The following TNKS variants were observed in gnomAD, a reference collection of about 807,000 sequenced individuals.
TNKS encodes poly [ADP-ribose] polymerase tankyrase-1.
A neutral mutation model predicts 135.8 loss-of-function variants in TNKS; 72 were observed. The observed-to-expected ratio is 0.53, with a 90% CI of 0.44 to 0.64. TNKS has a LOEUF of 0.64. Among genes scored for constraint, TNKS ranks in the 30% least tolerant of loss-of-function variants. The probability of loss-of-function intolerance (pLI) is 0.00; values close to 1 mark genes in which losing one functional copy is unlikely to be tolerated. For missense variants in TNKS, 1,769 were observed against 1,674.0 expected (o/e 1.06, Z -0.99); for synonymous variants, 849 against 649.3 (o/e 1.31, Z -4.68).
At chr8:9,598,034 G>C (rs1229497443) in intron 2 of TNKS, among the ~76,000 whole-genome samples, 2 of 152,062 alleles carry the variant, frequency 1.3e-5, no homozygotes, top group African/African-American at 2.4e-5. Context: ...ATGTCCTTTA[G>C]ATTGAAAGTA....
chr8:9,768,845 G>T (rs913681280), intron 25 of TNKS, among the ~76,000 whole-genome samples: 1 of 152,186 alleles, frequency 6.6e-6, no homozygotes, highest in South Asian at 2.1e-4. Flanking sequence ...GCATCCCAGA[G>T]GATCATCAAT....
At chr8:9,618,622 T>C (rs1008644062) in intron 3 of TNKS, among the ~76,000 whole-genome samples, 1 of 152,216 alleles carries the variant, frequency 6.6e-6, no homozygotes, top group Non-Finnish European at 1.5e-5. Flanking sequence ...AAACAGCCTA[T>C]GTAAATGTTA....
At chr8:9,562,309 G>C in intron 1 of TNKS, among the ~76,000 whole-genome samples, 1 of 152,064 alleles carries the variant, frequency 6.6e-6, no homozygotes, top group East Asian at 1.9e-4. Context: ...TTCTTAATGA[G>C]AGTCATTTGA....
At position 9,607,676 on chromosome 8, in the gene TNKS, A is replaced by G. The variant is rs10104247; in HGVS notation, c.899-7906A>G. Among the ~76,000 whole-genome samples, 6 of 152,076 alleles carry G rather than the reference A, an allele frequency of 3.9e-5. 1 individual carries two copies. Among genetic ancestry groups the G allele is most frequent in the Non-Finnish European group, 8.8e-5 (6 of 68,014 alleles). ...CTAACTTGTTAACATGTTGTATTAT[A>G]CTATATAAAATAATTACATTTGTTA... On this transcript the variant is annotated intron_variant, in intron 2 of 26. Coordinates refer to ENST00000310430, the MANE Select transcript of TNKS (RefSeq NM_003747.3).
At chr8:9,762,718 T>C (rs1462198983) in intron 21 of TNKS, among the ~76,000 whole-genome samples, 3 of 151,884 alleles carry the variant, frequency 2.0e-5, no homozygotes, top group African/African-American at 4.8e-5. Flanking sequence ...CTGGCTAACA[T>C]GATGAAACCC....
chr8:9,660,587 C>G (rs1481759410), intron 3 of TNKS, among the ~76,000 whole-genome samples: 3 of 152,150 alleles, frequency 2.0e-5, no homozygotes, highest in Non-Finnish European at 2.9e-5. Flanking sequence ...GGACGTATCT[C>G]AAAATAATAA....
Position 9,778,349 on chromosome 8 carries a change from A to C in TNKS, c.*1613A>C, listed in dbSNP as rs1408954809. ...CAAAGCCCTGAAAACGATGGGTTTA[A>C]TGCAAGGTGATTAAGCTGTGACCTC... On this transcript the variant is annotated 3_prime_UTR_variant, in exon 27 of 27. Transcript: ENST00000310430. 3 of 152,446 alleles carry C rather than the reference A, an allele frequency of 2.0e-5. No homozygotes were observed. The highest frequency in any genetic ancestry group is 7.2e-5 in the African/African-American group (3 of 41,468). The allele number at this position is 152,446 out of a possible 1,614,324, so 9.4% of individuals were successfully genotyped here. A position where few individuals can be genotyped will look rare whatever the true frequency, so the allele number is the denominator to read the frequency against.
chr8:9,662,309 G>A (rs891620754), intron 3 of TNKS, among the ~76,000 whole-genome samples: 1 of 152,048 alleles, frequency 6.6e-6, no homozygotes, highest in African/African-American at 2.4e-5. Flanking sequence ...TGTTTATTGC[G>A]GCACTATTCA....
chr8:9,600,404 CCTT>C (rs1798972138), intron 2 of TNKS, among the ~76,000 whole-genome samples: 1 of 152,126 alleles, frequency 6.6e-6, no homozygotes, highest in Non-Finnish European at 1.5e-5. Flanking sequence ...GCCTCGACCT[CCTT>C]GACTCAGGTG....
chr8:9,772,464 T>A, intron 26 of TNKS: 1 of 453,082 alleles, frequency 2.2e-6, no homozygotes, highest in Non-Finnish European at 4.4e-6. Context: ...CTTTTTTTAA[T>A]GTTGAAAGAT....
At chr8:9,595,103 G>T (rs867469558) in intron 2 of TNKS, among the ~76,000 whole-genome samples, 2 of 151,488 alleles carry the variant, frequency 1.3e-5, no homozygotes, top group Middle Eastern at 3.4e-3. Context: ...ACCATTAGTT[G>T]TCCATATAAA....
intron 3 of TNKS, among the ~76,000 whole-genome samples, chr8:9,624,823 G>C (rs1799996997): frequency 6.6e-6 from 1 of 152,158 alleles, no homozygotes; most frequent in African/African-American, 2.4e-5. Context: ...AAGTTACATA[G>C]TATAACCTAT....
At chr8:9,657,816 C>T (rs1392986298) in intron 3 of TNKS, among the ~76,000 whole-genome samples, 24 of 149,658 alleles carry the variant, frequency 1.6e-4, no homozygotes, top group Admixed American at 7.9e-4. Flanking sequence ...GGGCGGCTGC[C>T]GGGCGGAGAG....
At chr8:9,666,077 T>C (rs1229893850) in intron 3 of TNKS, among the ~76,000 whole-genome samples, 1 of 152,184 alleles carries the variant, frequency 6.6e-6, no homozygotes, top group Non-Finnish European at 1.5e-5. Flanking sequence ...AATTTGCTCC[T>C]ACTGTAGTAA....
At chr8:9,728,854 C>T (rs1389846533) in intron 13 of TNKS, among the ~76,000 whole-genome samples, 18 of 152,112 alleles carry the variant, frequency 1.2e-4, no homozygotes, top group Admixed American at 1.2e-3. Context: ...TCCTTCCTGT[C>T]ATGTGAAAAT....
chr8:9,603,611 A>G (rs764713181), intron 2 of TNKS, among the ~76,000 whole-genome samples: 1 of 152,140 alleles, frequency 6.6e-6, no homozygotes, highest in Non-Finnish European at 1.5e-5. Context: ...TTAAATCTCT[A>G]TTTTAGAAGA....
intron 2 of TNKS, among the ~76,000 whole-genome samples, chr8:9,586,302 C>T (rs1184047280): frequency 6.6e-6 from 1 of 152,042 alleles, no homozygotes; most frequent in African/African-American, 2.4e-5. Context: ...TTATTTAATA[C>T]CATAATTAAA....
intron 17 of TNKS, among the ~76,000 whole-genome samples, chr8:9,747,100 C>G (rs1806276542): frequency 1.3e-5 from 2 of 152,004 alleles, no homozygotes; most frequent in African/African-American, 2.4e-5. Flanking sequence ...CCAGGCTGGT[C>G]TCGAACTCCT....
In TNKS at chr8:9,751,866, G is replaced by A. The variant is rs746393742; in HGVS notation, c.3070+20G>A. The A allele has an allele frequency of 6.2e-7, 1 of 1,607,324 alleles. No homozygotes were observed. The highest frequency in any genetic ancestry group is 8.5e-7 in the Non-Finnish European group (1 of 1,174,494). On this transcript the variant is annotated intron_variant, in intron 19 of 26. Coordinates refer to ENST00000310430, the MANE Select transcript of TNKS (RefSeq NM_003747.3). ...GAGAAGGTGAGTAGACCCCATGAAT[G>A]CTTATTTATTTATACCTTTTGTTAG...
Sources: gnomAD v4.1 joint callset for allele counts (sites outside exome capture counted in the v4.1 genomes callset) on GRCh38, gnomAD v4.1.1 for gene constraint, MANE v1.5 for transcripts, NCBI Gene and HGNC (gene_info 2026-07-23, HGNC 2026-07-21) for gene names.